PLEKHH2: variants seen among roughly 807,000 people sequenced by gnomAD.
The protein encoded by PLEKHH2 is pleckstrin homology, MyTH4 and FERM domain containing H2, also known as pleckstrin homology domain-containing family H member 2.
Under a neutral mutation model 187.9 loss-of-function variants are expected in PLEKHH2, and 129 were observed. The ratio of observed to expected loss-of-function variants is 0.69; its 90% CI spans 0.59 to 0.79. PLEKHH2 has a LOEUF of 0.79. Ranked by LOEUF, PLEKHH2 falls within the 30% of genes least tolerant of loss-of-function variation. The pLI is 0.00. For missense variants in PLEKHH2, 2,076 were observed against 1,751.2 expected, an observed-to-expected ratio of 1.19 and a Z score of -3.31; for synonymous variants, 686 against 605.6, an observed-to-expected ratio of 1.13 and a Z score of -1.95.
intron 9 of PLEKHH2, among the ~76,000 whole-genome samples, chr2:43,704,486 C>G (rs1304733796): frequency 1.3e-5 from 2 of 151,610 alleles, no homozygotes; most frequent in East Asian, 3.9e-4. Context: ...ACGTTGAAAC[C>G]CCATCTCTAC....
chr2:43,746,763 G>A (rs531675987), intron 24 of PLEKHH2, among the ~76,000 whole-genome samples: 1 of 151,974 alleles, frequency 6.6e-6, no homozygotes, highest in Non-Finnish European at 1.5e-5. Flanking sequence ...GAGGTCAGGA[G>A]ATCGAGACCA....
chr2:43,739,606 TTAA>T (rs1572645758), intron 20 of PLEKHH2, among the ~76,000 whole-genome samples: 1 of 152,190 alleles, frequency 6.6e-6, no homozygotes, highest in Non-Finnish European at 1.5e-5. Flanking sequence ...GTAAACACAG[TTAA>T]TAAGCCTTTC....
chr2:43,689,033 C>G (rs962025533), intron 3 of PLEKHH2, among the ~76,000 whole-genome samples: 1 of 152,150 alleles, frequency 6.6e-6, no homozygotes, highest in Non-Finnish European at 1.5e-5. Flanking sequence ...CACCATAAGT[C>G]AGACCATTAG....
chr2:43,741,691 A>T (rs1188354279), intron 21 of PLEKHH2, among the ~76,000 whole-genome samples: 3 of 152,232 alleles, frequency 2.0e-5, no homozygotes, highest in Non-Finnish European at 4.4e-5. Flanking sequence ...TCTACAGTTC[A>T]TAATACATTG....
rs1409542073 is a variant in PLEKHH2 at position 43,710,009 on chromosome 2, G to A, written c.1986G>A (p.Val662=). The change falls in exon 12 of 30, where the codon GTG becomes GTA. Residue 662 remains valine, a synonymous_variant. Coordinates refer to ENST00000282406, the MANE Select transcript of PLEKHH2 (RefSeq NM_172069.4). ...TCTTAGGTGTGTCTCTCTCCTCTGTGGCTTCTGAAAGTGATTATGCTATTC... is the reference window on the plus strand; with the variant it reads ...TCTTAGGTGTGTCTCTCTCCTCTGTAGCTTCTGAAAGTGATTATGCTATTC... ...AMKRGVSLSS[V]ASESDYAIPP... 1.2e-6 allele frequency: 2 copies of A among 1,612,368 alleles called. No individual in the cohort carries two copies. Among genetic ancestry groups the A allele is most frequent in the Admixed American group, 3.4e-5 (2 of 59,630 alleles).
chr2:43,727,829 G>A (rs941553732), intron 17 of PLEKHH2, among the ~76,000 whole-genome samples: 15 of 152,150 alleles, frequency 9.9e-5, no homozygotes, highest in African/African-American at 3.6e-4. Context: ...CTGAACACTT[G>A]CCTCTGCTAC....
At chr2:43,705,506 C>T (rs1017033072) in intron 9 of PLEKHH2, among the ~76,000 whole-genome samples, 1 of 152,088 alleles carries the variant, frequency 6.6e-6, no homozygotes, top group Non-Finnish European at 1.5e-5. Flanking sequence ...AATCCTCCTG[C>T]CTCAGCTTCT....
At chr2:43,676,578 T>A (rs1432155654) in intron 2 of PLEKHH2, among the ~76,000 whole-genome samples, 1 of 151,082 alleles carries the variant, frequency 6.6e-6, no homozygotes, top group East Asian at 2.0e-4. Flanking sequence ...GCAATAAAGT[T>A]GAAAATGAGC....
Position 43,765,706 on chromosome 2 carries a change from C to T in PLEKHH2, c.*108C>T. On this transcript the variant is annotated 3_prime_UTR_variant, in exon 30 of 30. Coordinates refer to ENST00000282406, the MANE Select transcript of PLEKHH2 (RefSeq NM_172069.4). Reference sequence around the variant, plus strand: ...GCACGGCAGCCACACACCGGTATTCCAAACCTTAACAATGAAGGGGGTTAG... The same window carrying T: ...GCACGGCAGCCACACACCGGTATTCTAAACCTTAACAATGAAGGGGGTTAG... The T allele has an allele frequency of 3.1e-6, 3 of 971,072 alleles. No individual in the cohort carries two copies. The South Asian group carries it at 6.5e-5, about 21-fold the overall frequency. 60.2% of individuals were successfully genotyped at this position (971,072 alleles called of 1,614,324 possible). A position where few individuals can be genotyped will look rare whatever the true frequency, so the allele number is the denominator to read the frequency against.
In PLEKHH2 at chr2:43,692,558, C is replaced by T. The variant is rs769984666; in HGVS notation, c.231C>T (p.Thr77=). 1.3e-6 allele frequency: 2 copies of T among 1,593,102 alleles called. No individual in the cohort carries two copies. Among genetic ancestry groups the T allele is most frequent in the South Asian group, 2.2e-5 (2 of 90,040 alleles). ...EDKLKAANIQ[T]SESETRLYNK... ...AATTAAAAGCAGCTAATATTCAAAC[C>T]AGTGAATCAGAGACAAGATTATATA... The change falls in exon 4 of 30, where the codon ACC becomes ACT. Residue 77 remains threonine (T), a synonymous_variant. Transcript: ENST00000282406.
chr2:43,679,049 T>C, intron 3 of PLEKHH2, 124 bp downstream of exon 3: 1 of 541,306 alleles, frequency 1.8e-6, no homozygotes, highest in Admixed American at 3.4e-5. Flanking sequence ...TGTTCATAGC[T>C]TGATCCATAA....
Position 43,640,811 on chromosome 2 carries a change from G to T in PLEKHH2, c.-4+3432G>T, listed in dbSNP as rs187857370. Among the ~76,000 whole-genome samples, 21 of 151,238 alleles carry T rather than the reference G, an allele frequency of 1.4e-4. 1 individual carries two copies. The East Asian group carries it at 4.1e-3, about 29-fold the overall frequency. ...ATTATTATTGTTTTTAAAGATCGGG[G>T]TCTCCCTCTGTCGCCCAGGCTGGAG... On this transcript the variant is annotated intron_variant, in intron 1 of 29. Coordinates refer to ENST00000282406, the MANE Select transcript of PLEKHH2 (RefSeq NM_172069.4).
At chr2:43,757,043 GA>G in intron 25 of PLEKHH2, 75 bp from the exon 26 acceptor site, 3 of 1,201,122 alleles carry the variant, frequency 2.5e-6, no homozygotes, top group Non-Finnish European at 3.4e-6. Context: ...AGAATGTTTA[GA>G]AAAAATAAAA....
At chr2:43,641,608 C>T (rs143486651) in intron 1 of PLEKHH2, among the ~76,000 whole-genome samples, 17 of 152,104 alleles carry the variant, frequency 1.1e-4, no homozygotes, top group South Asian at 4.1e-4. Context: ...GATTGGACAC[C>T]CCTGGTTTAG....
chr2:43,682,040 G>C (rs928603267), intron 3 of PLEKHH2, among the ~76,000 whole-genome samples: 1 of 152,026 alleles, frequency 6.6e-6, no homozygotes, highest in Non-Finnish European at 1.5e-5. Context: ...TGCCTCATCT[G>C]TACCTCCACC....
intron 16 of PLEKHH2, among the ~76,000 whole-genome samples, chr2:43,723,097 A>G (rs1426777947): frequency 1.3e-5 from 2 of 152,162 alleles, no homozygotes; most frequent in African/African-American, 4.8e-5. Flanking sequence ...ATTAGGGTGG[A>G]TGAAACCTAG....
At chr2:43,660,181 T>C (rs1363579306) in intron 2 of PLEKHH2, among the ~76,000 whole-genome samples, 1 of 151,950 alleles carries the variant, frequency 6.6e-6, no homozygotes. Flanking sequence ...TAGAATGCTT[T>C]TGAGTTCACC....
At chr2:43,711,557 A>G (rs569333826) in intron 14 of PLEKHH2, 19 of 973,358 alleles carry the variant, frequency 2.0e-5, no homozygotes, top group East Asian at 1.1e-4. Context: ...AAACTATGCT[A>G]TTTTATTATA....
chr2:43,689,853 A>G (rs549225581), intron 3 of PLEKHH2, among the ~76,000 whole-genome samples: 50 of 152,342 alleles, frequency 3.3e-4, no homozygotes, highest in African/African-American at 1.2e-3. Context: ...TATTCAGGGT[A>G]AAAGAGTAGT....
Sources: gnomAD v4.1 joint callset for allele counts (sites outside exome capture counted in the v4.1 genomes callset) on GRCh38, gnomAD v4.1.1 for gene constraint, MANE v1.5 for transcripts, NCBI Gene and HGNC (gene_info 2026-07-23, HGNC 2026-07-21) for gene names.